RASA1: variants seen among roughly 807,000 people sequenced by gnomAD.
The protein encoded by RASA1 is RAS p21 protein activator 1.
RASA1 carries 25 observed loss-of-function variants against 132.2 expected under a neutral mutation model. The ratio of observed to expected loss-of-function variants is 0.19; its 90% CI spans 0.14 to 0.26. The LOEUF (loss-of-function observed/expected upper bound fraction) is 0.26. Among genes scored for constraint, RASA1 ranks in the 10% least tolerant of loss-of-function variants. The pLI, the probability that RASA1 is intolerant of heterozygous loss-of-function variation, is 1.00. For synonymous variants in RASA1, 477 were observed against 449.9 expected, an observed-to-expected ratio of 1.06 and a Z score of -0.76; for missense variants, 964 against 1,299.2, an observed-to-expected ratio of 0.74 and a Z score of 3.97.
chr5:87,362,714 T>C, intron 10 of RASA1, 43 bp downstream of exon 10: 1 of 1,582,056 alleles, frequency 6.3e-7, no homozygotes, highest in Non-Finnish European at 8.7e-7. Context: ...ATAGAGACGT[T>C]GTAAATATGG....
intron 1 of RASA1, among the ~76,000 whole-genome samples, chr5:87,324,726 C>T (rs1238918872): frequency 6.6e-6 from 1 of 152,022 alleles, no homozygotes; most frequent in Non-Finnish European, 1.5e-5. Context: ...CTAATATAAA[C>T]ACGCCCTCTT....
chr5:87,308,213 G>A (rs1215022330), intron 1 of RASA1, among the ~76,000 whole-genome samples: 1 of 151,356 alleles, frequency 6.6e-6, no homozygotes. Flanking sequence ...AAAAGACCCA[G>A]ACAGAAGACC....
intron 6 of RASA1, among the ~76,000 whole-genome samples, chr5:87,344,521 ATTGT>A (rs1186403830): frequency 6.6e-6 from 1 of 151,402 alleles, no homozygotes; most frequent in East Asian, 1.9e-4. Flanking sequence ...TTTTTTCTTT[ATTGT>A]TTTAGAGATA....
intron 1 of RASA1, among the ~76,000 whole-genome samples, chr5:87,317,698 C>T (rs558123944): frequency 6.0e-5 from 9 of 151,112 alleles, no homozygotes; most frequent in Admixed American, 4.0e-4. Context: ...TGCAGTGGCA[C>T]GATCTCAGCT....
chr5:87,368,796 A>T lies in RASA1; in HGVS notation c.1611-1017A>T, dbSNP rs1760719168. On this transcript the variant is annotated intron_variant, in intron 11 of 24. Coordinates refer to ENST00000274376, the MANE Select transcript of RASA1 (RefSeq NM_002890.3). ...CTGGCAACTGCCTTGAACGGAAAAG[A>T]TGTGGAGAATGTCGGGTTAATTATA... Among the ~76,000 whole-genome samples the T allele has an allele frequency of 2.0e-5, 3 of 152,198 alleles. No homozygotes were observed. The South Asian group carries it at 6.2e-4, about 31-fold the overall frequency.
At chr5:87,357,952 CTAT>C (rs1298695306) in intron 9 of RASA1, among the ~76,000 whole-genome samples, 1 of 152,100 alleles carries the variant, frequency 6.6e-6, no homozygotes, top group African/African-American at 2.4e-5. Context: ...TATTTGTAGT[CTAT>C]TATTTTGGAG....
At chr5:87,285,301 T>G (rs1280996311) in intron 1 of RASA1, among the ~76,000 whole-genome samples, 2 of 151,926 alleles carry the variant, frequency 1.3e-5, no homozygotes, top group East Asian at 1.9e-4. Flanking sequence ...TTTCTTGACC[T>G]CGTGATCCTT....
At chr5:87,291,889 T>TTTC (rs1402370525) in intron 1 of RASA1, among the ~76,000 whole-genome samples, 1 of 152,218 alleles carries the variant, frequency 6.6e-6, no homozygotes, top group African/African-American at 2.4e-5. Context: ...GGCTCAGGTA[T>TTTC]TTCTTTATAG....
At chr5:87,362,802 T>C in intron 10 of RASA1, 131 bp downstream of exon 10, 1 of 1,013,886 alleles carries the variant, frequency 9.9e-7, no homozygotes. Flanking sequence ...TTAGAGCCCA[T>C]ATATAAGCAT....
rs886654796 is a variant in RASA1, at chr5:87,285,357, G to A, written c.539+16367G>A. On this transcript the variant is annotated intron_variant, in intron 1 of 24. Transcript: ENST00000274376. ...GCTGGGATTACAGGCGTGAGCCACC[G>A]CGCCTGGCAATGAATGGTACCTTTT... Among the ~76,000 whole-genome samples, 3 of 151,722 alleles carry A rather than the reference G, an allele frequency of 2.0e-5. 1 individual carries two copies. The South Asian group carries it at 6.2e-4, about 32-fold the overall frequency.
intron 1 of RASA1, among the ~76,000 whole-genome samples, chr5:87,290,203 A>T (rs1392110854): frequency 6.6e-6 from 1 of 152,192 alleles, no homozygotes; most frequent in African/African-American, 2.4e-5. Flanking sequence ...GAGGACAAGG[A>T]GGATGCAAAA....
intron 1 of RASA1, among the ~76,000 whole-genome samples, chr5:87,283,752 T>TTA (rs2112250255): frequency 6.6e-6 from 1 of 152,278 alleles, no homozygotes; most frequent in East Asian, 1.9e-4. Flanking sequence ...TAAGTCTATT[T>TTA]AACTACTATG....
intron 1 of RASA1, among the ~76,000 whole-genome samples, chr5:87,271,539 G>A (rs951801861): frequency 7.3e-6 from 1 of 137,500 alleles, no homozygotes; most frequent in Non-Finnish European, 1.5e-5. Flanking sequence ...CGTGTTTTCG[G>A]CTCACTGCAA....
At chr5:87,312,594 C>T (rs1756003740) in intron 1 of RASA1, among the ~76,000 whole-genome samples, 1 of 152,170 alleles carries the variant, frequency 6.6e-6, no homozygotes, top group Non-Finnish European at 1.5e-5. Flanking sequence ...GCTGGGTCTC[C>T]TCTTTCTGGG....
intron 7 of RASA1, among the ~76,000 whole-genome samples, chr5:87,347,434 T>C (rs965857450): frequency 6.6e-6 from 1 of 152,030 alleles, no homozygotes; most frequent in East Asian, 1.9e-4. Context: ...ATACCGAGCA[T>C]TTCTTTGGCA....
chr5:87,341,243 A>G, intron 5 of RASA1, 47 bp from the exon 6 acceptor site: 1 of 1,098,702 alleles, frequency 9.1e-7, no homozygotes, highest in Non-Finnish European at 1.2e-6. Flanking sequence ...ATAAAAATTG[A>G]TTAATAGTTA....
At chr5:87,288,409 C>A (rs188650833) in intron 1 of RASA1, among the ~76,000 whole-genome samples, 4 of 152,144 alleles carry the variant, frequency 2.6e-5, no homozygotes, top group Admixed American at 2.6e-4. Context: ...GAATTGTTTT[C>A]TCAGAGAATT....
intron 1 of RASA1, chr5:87,299,750 C>T (rs925014452): frequency 2.0e-5 from 3 of 151,994 alleles, no homozygotes. Flanking sequence ...TTGATCTTTT[C>T]TCTATTATCA....
intron 11 of RASA1, among the ~76,000 whole-genome samples, chr5:87,368,347 A>G (rs1760680174): frequency 6.6e-6 from 1 of 151,688 alleles, no homozygotes; most frequent in South Asian, 2.1e-4. Flanking sequence ...CTTGTTACCT[A>G]TTTTCTTAAA....
Sources: allele counts gnomAD v4.1 joint callset (sites outside exome capture counted in the v4.1 genomes callset), GRCh38; gene constraint gnomAD v4.1.1; transcripts MANE v1.5; gene names NCBI Gene and HGNC (gene_info 2026-07-23, HGNC 2026-07-21).